Variants in TDRD3 observed in about 807,000 individuals in gnomAD.
The protein encoded by TDRD3 is tudor domain-containing protein 3.
Under a neutral mutation model 86.7 loss-of-function variants are expected in TDRD3, and 45 were observed. The ratio of observed to expected loss-of-function variants is 0.52; its 90% CI spans 0.41 to 0.67. TDRD3 has a LOEUF of 0.67. Among genes scored for constraint, TDRD3 ranks in the 30% least tolerant of loss-of-function variants. The pLI is 0.00. For missense variants in TDRD3, 814 were observed against 889.0 expected, an observed-to-expected ratio of 0.92 and a Z score of 1.07; for synonymous variants, 298 against 301.7, an observed-to-expected ratio of 0.99 and a Z score of 0.13.
At chr13:60,559,755 G>A (rs1268751600) in intron 12 of TDRD3, among the ~76,000 whole-genome samples, 1 of 152,178 alleles carries the variant, frequency 6.6e-6, no homozygotes, top group Non-Finnish European at 1.5e-5. Flanking sequence ...ATGAGGAGAT[G>A]TTGGTCAAAG....
chr13:60,467,905 A>G (rs780304322), intron 5 of TDRD3, among the ~76,000 whole-genome samples: 7 of 152,036 alleles, frequency 4.6e-5, no homozygotes, highest in Non-Finnish European at 1.0e-4. Context: ...TTTGCTTCCA[A>G]CAACCATTTC....
At position 60,529,115 on chromosome 13, in the gene TDRD3, A is replaced by C; in HGVS notation, c.1890A>C (p.Pro630=). ...YNSGPKRRSG[P]IKPEKILESS... is the part of the protein sequence containing the mutation. ...GTGGGCCCAAACGAAGATCTGGGCCAATTAAGCCAGAAAAAATACTAGAAT... is the reference window on the plus strand; with the variant it reads ...GTGGGCCCAAACGAAGATCTGGGCCCATTAAGCCAGAAAAAATACTAGAAT... Residue 630 remains proline, a synonymous_variant, in exon 11 of 14, where the codon CCA becomes CCC. Coordinates refer to ENST00000377881, the MANE Select transcript of TDRD3 (RefSeq NM_001146070.2). The C allele has an allele frequency of 6.2e-7, 1 of 1,614,088 alleles. No homozygotes were observed. Among genetic ancestry groups the C allele is most frequent in the Non-Finnish European group, 8.5e-7 (1 of 1,179,942 alleles).
At chr13:60,460,788 C>T in intron 4 of TDRD3, 2 of 255,978 alleles carry the variant, frequency 7.8e-6, no homozygotes, top group Non-Finnish European at 1.5e-5. Flanking sequence ...ACGGATCACC[C>T]AAGGTCAGGA....
chr13:60,476,142 A>G (rs1450773412), intron 5 of TDRD3, among the ~76,000 whole-genome samples: 1 of 152,078 alleles, frequency 6.6e-6, no homozygotes, highest in Non-Finnish European at 1.5e-5. Flanking sequence ...GGTATTTCCT[A>G]GGGTTTCTTC....
chr13:60,473,867 C>T (rs1051487422), intron 5 of TDRD3, among the ~76,000 whole-genome samples: 1 of 152,128 alleles, frequency 6.6e-6, no homozygotes. Context: ...CTTGGCCTAG[C>T]GGTAGCGTCA....
At chr13:60,551,214 C>T (rs555553305) in intron 12 of TDRD3, among the ~76,000 whole-genome samples, 14 of 152,218 alleles carry the variant, frequency 9.2e-5, no homozygotes, top group African/African-American at 3.4e-4. Flanking sequence ...TTTTAGAGTC[C>T]ACATACCTTG....
Position 60,535,169 on chromosome 13 carries a change from T to G in TDRD3, c.2054T>G (p.Ile685Ser). The change falls in exon 12 of 14, where the codon ATT becomes AGT. Residue 685 changes from isoleucine to serine, a missense_variant. Transcript: ENST00000377881. ...GGTATGACAGCAGTTGTTAAATTCA[T>G]TGACTACGGAAACTATGAAGAGGTG... ...SSGMTAVVKF[I>S]DYGNYEEVLL... is the part of the protein sequence containing the mutation. 1 of 1,614,002 alleles carries G rather than the reference T, an allele frequency of 6.2e-7. No homozygotes were observed.
At chr13:60,467,772 G>A (rs117893426) in intron 5 of TDRD3, among the ~76,000 whole-genome samples, 6,780 of 152,256 alleles carry the variant, frequency 0.045, 208 homozygotes, top group Non-Finnish European at 0.064. Flanking sequence ...GAATTTCACT[G>A]TAATGGAGGA....
chr13:60,422,980 C>A (rs1219326982), intron 1 of TDRD3, among the ~76,000 whole-genome samples: 2 of 152,048 alleles, frequency 1.3e-5, no homozygotes, highest in Non-Finnish European at 2.9e-5. Context: ...TAATCCACAG[C>A]AATTAACTCC....
At chr13:60,477,633 G>A (rs192047857) in intron 5 of TDRD3, among the ~76,000 whole-genome samples, 24 of 152,270 alleles carry the variant, frequency 1.6e-4, no homozygotes, top group Non-Finnish European at 4.4e-5. Flanking sequence ...AGATGATTAT[G>A]TAGTTTTTGT....
chr13:60,475,204 T>C (rs1486830386), intron 5 of TDRD3, among the ~76,000 whole-genome samples: 1 of 152,144 alleles, frequency 6.6e-6, no homozygotes, highest in Non-Finnish European at 1.5e-5. Context: ...GTGAGCATAG[T>C]ACCCTATAGG....
In TDRD3 at chr13:60,487,060, G is replaced by A. The variant is rs144451576; in HGVS notation, c.717+1112G>A. On this transcript the variant is annotated intron_variant, in intron 7 of 13. Coordinates refer to ENST00000377881, the MANE Select transcript of TDRD3 (RefSeq NM_001146070.2). ...GGATCAAAAATATTTTGGTGGGGGC[G>A]GGGAAGGATGGTTGCATCTGTACTA... is the stretch of plus-strand genomic sequence containing the variant. Among the ~76,000 whole-genome samples the A allele has an allele frequency of 8.5e-5, 13 of 152,180 alleles. No homozygotes were observed. In the East Asian group the frequency reaches 1.2e-3, roughly 14 times the overall value.
chr13:60,488,459 T>C (rs1356546008), intron 7 of TDRD3, among the ~76,000 whole-genome samples: 2 of 152,246 alleles, frequency 1.3e-5, no homozygotes, highest in Admixed American at 1.3e-4. Context: ...ATTGGGCTGA[T>C]TTCAATGGTA....
chr13:60,552,054 A>G (rs1868288696), intron 12 of TDRD3, among the ~76,000 whole-genome samples: 1 of 152,182 alleles, frequency 6.6e-6, no homozygotes, highest in African/African-American at 2.4e-5. Context: ...CCCAAATCTC[A>G]TATCCTTTTC....
chr13:60,552,848 G>C (rs569591578), intron 12 of TDRD3, among the ~76,000 whole-genome samples: 212 of 152,356 alleles, frequency 1.4e-3, no homozygotes, highest in Non-Finnish European at 1.6e-3. Context: ...AGCCCAAGTT[G>C]CATCTTGGCC....
chr13:60,485,997 T>C (rs750450146), intron 7 of TDRD3, 49 bp downstream of exon 7: 8 of 1,515,496 alleles, frequency 5.3e-6, no homozygotes, highest in Non-Finnish European at 7.1e-6. Flanking sequence ...TTATGTTCTA[T>C]TTAGATTATT....
intron 12 of TDRD3, among the ~76,000 whole-genome samples, chr13:60,551,912 G>A (rs1198244062): frequency 6.6e-6 from 1 of 152,168 alleles, no homozygotes; most frequent in Non-Finnish European, 1.5e-5. Flanking sequence ...CATGAGAACA[G>A]CATGGGGGAA....
intron 12 of TDRD3, among the ~76,000 whole-genome samples, chr13:60,553,965 G>C (rs1166722406): frequency 1.3e-5 from 2 of 152,278 alleles, no homozygotes; most frequent in East Asian, 3.9e-4. Context: ...CTCACAGAAT[G>C]AAAGAACCGT....
chr13:60,534,768 A>T (rs1480595608), intron 11 of TDRD3, among the ~76,000 whole-genome samples: 1 of 151,786 alleles, frequency 6.6e-6, no homozygotes, highest in African/African-American at 2.4e-5. Context: ...TCTATAAAAA[A>T]TACCAAAAAA....
Sources: gnomAD v4.1 joint callset for allele counts (sites outside exome capture counted in the v4.1 genomes callset) on GRCh38, gnomAD v4.1.1 for gene constraint, MANE v1.5 for transcripts, NCBI Gene and HGNC (gene_info 2026-07-23, HGNC 2026-07-21) for gene names.